Variants in VPS13A observed in about 807,000 individuals in gnomAD.
VPS13A encodes vacuolar protein sorting 13 homolog A, also known as intermembrane lipid transfer protein VPS13A.
Under a neutral mutation model 390.9 loss-of-function variants are expected in VPS13A, and 264 were observed. The ratio of observed to expected loss-of-function variants is 0.68; its 90% CI spans 0.61 to 0.75. The LOEUF (loss-of-function observed/expected upper bound fraction) is 0.75. Ranked by LOEUF, VPS13A falls within the 30% of genes least tolerant of loss-of-function variation. VPS13A has a pLI of 0.00. For synonymous variants in VPS13A, 1,231 were observed against 1,227.1 expected, an observed-to-expected ratio of 1.00 and a Z score of -0.07; for missense variants, 3,409 against 3,733.9, an observed-to-expected ratio of 0.91 and a Z score of 2.27.
intron 33 of VPS13A, among the ~76,000 whole-genome samples, chr9:77,298,587 G>C (rs1039424359): frequency 6.6e-6 from 1 of 152,062 alleles, no homozygotes; most frequent in Non-Finnish European, 1.5e-5. Flanking sequence ...CAGTTGGATT[G>C]AGACAAAACT....
In VPS13A at chr9:77,321,193, A is replaced by G; in HGVS notation, c.5440A>G (p.Ile1814Val). 1 of 1,612,596 alleles carries G rather than the reference A, an allele frequency of 6.2e-7. No homozygotes were observed. Among genetic ancestry groups the G allele is most frequent in the Non-Finnish European group, 8.5e-7 (1 of 1,179,122 alleles). Reference protein sequence around the residue: ...IKMKKKAKMAIVESDPEEENY... With the variant: ...IKMKKKAKMAVVESDPEEENY... ...GATGAAAAAGAAAGCAAAAATGGCC[A>G]TTGTTGAGTCAGATCCTGAAGAAGA... The change falls in exon 43 of 72, where the codon ATT (isoleucine) becomes GTT (valine). Residue 1814 changes from isoleucine (I) to valine (V), a missense_variant. Transcript: ENST00000360280.
intron 67 of VPS13A, among the ~76,000 whole-genome samples, chr9:77,378,458 TA>T (rs1833233369): frequency 1.3e-5 from 2 of 152,148 alleles, no homozygotes; most frequent in African/African-American, 4.8e-5. Context: ...TATTTACTAG[TA>T]TTCTCATATA....
rs1481477523 is a variant in VPS13A at position 77,318,502 on chromosome 9, G to A, written c.5224G>A (p.Val1742Ile). The A allele has an allele frequency of 1.2e-6, 2 of 1,613,948 alleles. No individual in the cohort carries two copies. The highest frequency in any genetic ancestry group is 1.7e-6 in the Non-Finnish European group (2 of 1,179,904). The change falls in exon 41 of 72, where the codon GTA becomes ATA. Residue 1742 changes from valine to isoleucine, a missense_variant. This residue lies in a region of VPS13A where 2,717 missense variants were observed against 2,917.4 expected (regional missense o/e 0.93). Coordinates refer to ENST00000360280, the MANE Select transcript of VPS13A (RefSeq NM_033305.3). ...VLEAGIGHRT[V>I]PMLLAKSRFS... ...TGAGGCTGGAATTGGTCATAGAACAGTACCTATGCTTCTGGCAAAGTCACG... is the reference window on the plus strand; with the variant it reads ...TGAGGCTGGAATTGGTCATAGAACAATACCTATGCTTCTGGCAAAGTCACG...
At chr9:77,288,059 T>A (rs775247248) in intron 31 of VPS13A, among the ~76,000 whole-genome samples, 4 of 152,202 alleles carry the variant, frequency 2.6e-5, no homozygotes, top group Non-Finnish European at 5.9e-5. Flanking sequence ...CCTAGCACCT[T>A]AGAATCACTG....
intron 31 of VPS13A, among the ~76,000 whole-genome samples, chr9:77,287,448 C>T (rs1426590770): frequency 6.6e-6 from 1 of 152,034 alleles, no homozygotes; most frequent in Non-Finnish European, 1.5e-5. Context: ...CTGCCTCGGT[C>T]TCCCAAAGTG....
chr9:77,177,856 T>TC, intron 1 of VPS13A, 52 bp downstream of exon 1: 1 of 1,535,522 alleles, frequency 6.5e-7, no homozygotes, highest in Middle Eastern at 2.1e-4. Flanking sequence ...CCCGGCCGTC[T>TC]CGCTGCCCGA....
At chr9:77,284,060 A>C (rs908780387) in intron 31 of VPS13A, among the ~76,000 whole-genome samples, 1 of 151,654 alleles carries the variant, frequency 6.6e-6, no homozygotes, top group East Asian at 1.9e-4. Flanking sequence ...GATTTTTTAT[A>C]AAGCTTATTG....
chr9:77,303,009 T>C lies in VPS13A; in HGVS notation c.3907T>C (p.Trp1303Arg), dbSNP rs1157154946. The change falls in exon 34 of 72, where the codon TGG (tryptophan) becomes CGG (arginine). Residue 1303 changes from tryptophan to arginine, a missense_variant. Coordinates refer to ENST00000360280, the MANE Select transcript of VPS13A (RefSeq NM_033305.3). ...GGTTGAACGAAATTTATGCTGGGAG[T>C]GGTACCAGGAAGTTCCTTGTTTTAA... Reference protein sequence around the residue: ...VVVERNLCWEWYQEVPCFNVN... With the variant: ...VVVERNLCWERYQEVPCFNVN... The C allele has an allele frequency of 1.2e-6, 2 of 1,613,966 alleles. No individual in the cohort carries two copies. The highest frequency in any genetic ancestry group is 1.1e-5 in the South Asian group (1 of 91,084).
chr9:77,220,217 C>A, intron 11 of VPS13A, 60 bp from the exon 12 acceptor site: 2 of 1,530,518 alleles, frequency 1.3e-6, no homozygotes, highest in Non-Finnish European at 1.8e-6. Context: ...TAACTTTTAT[C>A]TTCAGCAATT....
rs923961308 is a variant in VPS13A at position 77,417,096 on chromosome 9, G to A, written c.*1090G>A. 6.6e-6 allele frequency: 1 copy of A among 152,096 alleles called. No homozygotes were observed. The highest frequency in any genetic ancestry group is 2.4e-5 in the African/African-American group (1 of 41,402). 9.4% of individuals were successfully genotyped at this position (152,096 alleles called of 1,614,324 possible). A position where few individuals can be genotyped will look rare whatever the true frequency, so the allele number is the denominator to read the frequency against. ...CATGAGGTTTTCTTTCTTGGTTTTT[G>A]TCCAAGATCTTTGCACCTTAATATT... On this transcript the variant is annotated 3_prime_UTR_variant, in exon 72 of 72. Coordinates refer to ENST00000360280, the MANE Select transcript of VPS13A (RefSeq NM_033305.3).
chr9:77,185,779 T>C (rs1824294320), intron 1 of VPS13A, among the ~76,000 whole-genome samples: 1 of 152,214 alleles, frequency 6.6e-6, no homozygotes, highest in Non-Finnish European at 1.5e-5. Context: ...TTTATTTAAG[T>C]GGTTGTATTA....
At chr9:77,203,410 C>G (rs994047789) in intron 3 of VPS13A, among the ~76,000 whole-genome samples, 3 of 152,046 alleles carry the variant, frequency 2.0e-5, no homozygotes, top group African/African-American at 7.2e-5. Flanking sequence ...CACCTCAGTC[C>G]CCGAGTAGCT....
intron 68 of VPS13A, among the ~76,000 whole-genome samples, chr9:77,400,821 C>T (rs1287161241): frequency 2.8e-5 from 3 of 108,584 alleles, no homozygotes; most frequent in East Asian, 4.8e-4. Context: ...GAGCGAGACT[C>T]TGTCTGAAAA....
At chr9:77,374,975 T>C (rs1832987401) in intron 67 of VPS13A, among the ~76,000 whole-genome samples, 1 of 152,118 alleles carries the variant, frequency 6.6e-6, no homozygotes, top group African/African-American at 2.4e-5. Flanking sequence ...GTTACCATAA[T>C]TGGGTGTTTC....
At chr9:77,292,990 C>A (rs1249346043) in intron 31 of VPS13A, among the ~76,000 whole-genome samples, 3 of 151,704 alleles carry the variant, frequency 2.0e-5, no homozygotes, top group Non-Finnish European at 4.4e-5. Context: ...TTTTGTCAGT[C>A]AATCAAGAAA....
chr9:77,412,079 C>T (rs4545161), intron 71 of VPS13A, among the ~76,000 whole-genome samples: 73,095 of 151,828 alleles, frequency 0.48, 18,022 homozygotes, highest in East Asian at 0.63. Flanking sequence ...CAATAACAGG[C>T]TCTGAAATTG....
chr9:77,337,919 T>G (rs1193089703), intron 47 of VPS13A: 1 of 164,714 alleles, frequency 6.1e-6, no homozygotes, highest in Non-Finnish European at 1.3e-5. Context: ...TGGAAGAAAG[T>G]AGTTCTTCAT....
chr9:77,305,031 G>C (rs910034499), intron 34 of VPS13A, among the ~76,000 whole-genome samples: 2 of 151,112 alleles, frequency 1.3e-5, no homozygotes, highest in Admixed American at 6.6e-5. Context: ...CTCCGCCTCT[G>C]GGGTTCACGC....
intron 5 of VPS13A, among the ~76,000 whole-genome samples, chr9:77,207,110 T>G (rs10869908): frequency 6.9e-6 from 1 of 145,080 alleles, no homozygotes; most frequent in Admixed American, 7.0e-5. Flanking sequence ...AGCAGTATTA[T>G]AGTGTCCGGA....
Sources: gnomAD v4.1 joint callset for allele counts (sites outside exome capture counted in the v4.1 genomes callset) on GRCh38, gnomAD v4.1.1 for gene constraint, gnomAD v4.1.1 regional missense constraint, MANE v1.5 for transcripts, NCBI Gene and HGNC (gene_info 2026-07-23, HGNC 2026-07-21) for gene names.